MCTP1: variants seen among roughly 807,000 people sequenced by gnomAD.
The protein encoded by MCTP1 is multiple C2 and transmembrane domain-containing protein 1.
MCTP1 carries 69 observed loss-of-function variants against 120.6 expected under a neutral mutation model. The ratio of observed to expected loss-of-function variants is 0.57; its 90% CI spans 0.47 to 0.70. MCTP1 has a LOEUF of 0.70. MCTP1 is among the 30% of genes least tolerant of loss of function. MCTP1 has a pLI of 0.00. For missense variants in MCTP1, 1,203 were observed against 1,248.8 expected, an observed-to-expected ratio of 0.96 and a Z score of 0.55; for synonymous variants, 529 against 493.1, an observed-to-expected ratio of 1.07 and a Z score of -0.96.
At chr5:94,726,126 A>G (rs563815849) in intron 19 of MCTP1, among the ~76,000 whole-genome samples, 8 of 152,152 alleles carry the variant, frequency 5.3e-5, no homozygotes, top group Non-Finnish European at 1.0e-4. Flanking sequence ...TGAAGAAACT[A>G]AAGATCAGTT....
At chr5:94,920,480 C>T (rs1265511420) in intron 7 of MCTP1, among the ~76,000 whole-genome samples, 3 of 152,056 alleles carry the variant, frequency 2.0e-5, no homozygotes, top group African/African-American at 2.4e-5. Flanking sequence ...CGGTGGCTCA[C>T]GCCTGTAATC....
At chr5:95,037,751 C>T (rs902615401) in intron 1 of MCTP1, among the ~76,000 whole-genome samples, 1 of 152,104 alleles carries the variant, frequency 6.6e-6, no homozygotes, top group African/African-American at 2.4e-5. Context: ...CCTATAATCC[C>T]AGCTACTCGG....
At chr5:94,922,489 CCCCCCCT>C in intron 7 of MCTP1, among the ~76,000 whole-genome samples, 1 of 149,178 alleles carries the variant, frequency 6.7e-6, no homozygotes, top group Non-Finnish European at 1.5e-5. Context: ...CATGTATATT[CCCCCCCT>C]TTTTTTTTTG....
chr5:95,065,970 A>G (rs1750563455), intron 1 of MCTP1, among the ~76,000 whole-genome samples: 1 of 152,154 alleles, frequency 6.6e-6, no homozygotes, highest in Admixed American at 6.5e-5. Context: ...TTTGGATAAG[A>G]CCTCAAAAGC....
intron 2 of MCTP1, among the ~76,000 whole-genome samples, chr5:94,978,800 A>G (rs771427499): frequency 1.6e-4 from 25 of 152,192 alleles, no homozygotes; most frequent in South Asian, 8.3e-4. Context: ...TCCTATATTA[A>G]TATTGTACTA....
chr5:95,239,327 C>T (rs764558949), intron 1 of MCTP1, among the ~76,000 whole-genome samples: 9 of 152,210 alleles, frequency 5.9e-5, no homozygotes, highest in African/African-American at 9.6e-5. Flanking sequence ...GATCATTGTC[C>T]GAGCACTCAA....
At chr5:94,996,743 C>T (rs575800310) in intron 2 of MCTP1, among the ~76,000 whole-genome samples, 5 of 152,066 alleles carry the variant, frequency 3.3e-5, no homozygotes, top group South Asian at 2.1e-4. Flanking sequence ...ATGGGAGGGC[C>T]GACTGCATGT....
intron 2 of MCTP1, among the ~76,000 whole-genome samples, chr5:95,007,875 A>C (rs1835083678): frequency 6.6e-6 from 1 of 152,240 alleles, no homozygotes; most frequent in Non-Finnish European, 1.5e-5. Flanking sequence ...CACAGAGTAG[A>C]CTTGAAGAGT....
intron 2 of MCTP1, among the ~76,000 whole-genome samples, chr5:94,985,928 T>G (rs1183420874): frequency 6.6e-6 from 1 of 152,240 alleles, no homozygotes; most frequent in Non-Finnish European, 1.5e-5. Flanking sequence ...AAAGTTTTAT[T>G]TCTTTTAAAG....
intron 19 of MCTP1, among the ~76,000 whole-genome samples, chr5:94,773,974 C>T (rs1580611894): frequency 2.6e-5 from 1 of 39,176 alleles, no homozygotes. Flanking sequence ...TTTGGGAGGC[C>T]GAGGCGGGCG....
At chr5:95,147,212 G>A (rs1008059228) in intron 1 of MCTP1, among the ~76,000 whole-genome samples, 3 of 151,982 alleles carry the variant, frequency 2.0e-5, no homozygotes, top group Admixed American at 2.0e-4. Context: ...TCAGCCTCCT[G>A]AGCAGCTGGG....
intron 1 of MCTP1, among the ~76,000 whole-genome samples, chr5:95,118,191 G>GCACA (rs1271533293): frequency 2.6e-5 from 4 of 152,090 alleles, no homozygotes; most frequent in Non-Finnish European, 4.4e-5. Context: ...TGTACATCCT[G>GCACA]CACATGTGCC....
At chr5:95,255,307 A>G (rs367987742) in intron 1 of MCTP1, among the ~76,000 whole-genome samples, 2 of 152,332 alleles carry the variant, frequency 1.3e-5, no homozygotes, top group East Asian at 3.9e-4. Context: ...GTTTTCAATA[A>G]ATGATGGATA....
At chr5:94,734,645 T>C (rs1386143468) in intron 19 of MCTP1, among the ~76,000 whole-genome samples, 3 of 152,178 alleles carry the variant, frequency 2.0e-5, no homozygotes, top group African/African-American at 7.2e-5. Context: ...TTTGGAGAGA[T>C]AGGATCTCAC....
At position 94,757,746 on chromosome 5, in the gene MCTP1, A is replaced by T. The variant is rs914212652; in HGVS notation, c.2610+21364T>A. 9.2e-5 allele frequency among the ~76,000 whole-genome samples: 14 copies of T among 152,312 alleles called. No individual in the cohort carries two copies. In the East Asian group the frequency reaches 2.5e-3, roughly 27 times the overall value. ...TGCACACTGCTTGTTGCATGGATGG[A>T]TGAATAAGTGAATAAAAGTAAAGAT... is the stretch of plus-strand genomic sequence containing the variant. On this transcript the variant is annotated intron_variant, in intron 19 of 22. Coordinates refer to ENST00000515393, the MANE Select transcript of MCTP1 (RefSeq NM_024717.7).
intron 17 of MCTP1, among the ~76,000 whole-genome samples, chr5:94,866,056 C>T (rs1039213070): frequency 4.0e-5 from 6 of 151,824 alleles, no homozygotes; most frequent in South Asian, 2.1e-4. Flanking sequence ...TAAATGGAAA[C>T]GCCAGGAAAA....
chr5:94,990,699 C>T lies in MCTP1; in HGVS notation c.838+26668G>A, dbSNP rs554185236. On this transcript the variant is annotated intron_variant, in intron 2 of 22. Transcript: ENST00000515393. Reference sequence around the variant, plus strand: ...CATTATATCACAGATTCTATCCACTCTGAAGGGGAGGGAATTATACAAAGA... The same window carrying T: ...CATTATATCACAGATTCTATCCACTTTGAAGGGGAGGGAATTATACAAAGA... Among the ~76,000 whole-genome samples, 15 of 152,318 alleles carry T rather than the reference C, an allele frequency of 9.8e-5. No homozygotes were observed. The South Asian group carries it at 3.1e-3, about 32-fold the overall frequency.
chr5:95,117,432 C>A (rs772327118), intron 1 of MCTP1, among the ~76,000 whole-genome samples: 2 of 140,628 alleles, frequency 1.4e-5, no homozygotes, highest in African/African-American at 2.6e-5. Context: ...CATCACTGAT[C>A]ATTAAAGAAA....
intron 13 of MCTP1, among the ~76,000 whole-genome samples, chr5:94,872,231 C>T (rs981785949): frequency 2.0e-5 from 3 of 152,038 alleles, no homozygotes; most frequent in African/African-American, 7.2e-5. Flanking sequence ...TATCAGGGCA[C>T]AATCAATTAA....
Sources: gnomAD v4.1 joint callset for allele counts (sites outside exome capture counted in the v4.1 genomes callset) on GRCh38, gnomAD v4.1.1 for gene constraint, MANE v1.5 for transcripts, NCBI Gene and HGNC (gene_info 2026-07-23, HGNC 2026-07-21) for gene names.